Variants in B3GLCT observed in about 807,000 individuals in gnomAD.
The protein encoded by B3GLCT is beta-1,3-glucosyltransferase.
Under a neutral mutation model 63.4 loss-of-function variants are expected in B3GLCT, and 65 were observed. The ratio of observed to expected loss-of-function variants is 1.03; its 90% CI spans 0.84 to 1.26. The LOEUF (loss-of-function observed/expected upper bound fraction) is 1.26. B3GLCT is among the 50% of genes most tolerant of loss of function. The pLI, the probability that B3GLCT is intolerant of heterozygous loss-of-function variation, is 0.00. For synonymous variants in B3GLCT, 233 were observed against 219.2 expected, an observed-to-expected ratio of 1.06 and a Z score of -0.55; for missense variants, 577 against 604.8, an observed-to-expected ratio of 0.95 and a Z score of 0.48.
At chr13:31,261,581 A>G (rs1049361386) in intron 7 of B3GLCT, among the ~76,000 whole-genome samples, 1 of 152,236 alleles carries the variant, frequency 6.6e-6, no homozygotes, top group African/African-American at 2.4e-5. Flanking sequence ...ATTTGTGTGT[A>G]TATTCACAAT....
At chr13:31,299,826 C>T (rs1288431115) in intron 12 of B3GLCT, among the ~76,000 whole-genome samples, 1 of 152,156 alleles carries the variant, frequency 6.6e-6, no homozygotes, top group East Asian at 1.9e-4. Context: ...TAATGCACCC[C>T]TCAAATGTCC....
At chr13:31,201,010 TA>T (rs11463665) in intron 1 of B3GLCT, among the ~76,000 whole-genome samples, 2,161 of 143,298 alleles carry the variant, frequency 0.015, 44 homozygotes, top group African/African-American at 0.049. Context: ...TGATAAAAGT[TA>T]AAAAAAAAAA....
At chr13:31,221,960 T>C (rs1011369185) in intron 2 of B3GLCT, among the ~76,000 whole-genome samples, 3 of 152,222 alleles carry the variant, frequency 2.0e-5, no homozygotes, top group Non-Finnish European at 2.9e-5. Flanking sequence ...GATAAATCTT[T>C]TGAGAGTTCC....
At chr13:31,208,670 G>T (rs1410478752) in intron 1 of B3GLCT, among the ~76,000 whole-genome samples, 1 of 131,412 alleles carries the variant, frequency 7.6e-6, no homozygotes, top group Admixed American at 9.6e-5. Flanking sequence ...AGCGCTCTTT[G>T]CTTGACTCCA....
chr13:31,301,131 G>A (rs1249623898), intron 12 of B3GLCT, among the ~76,000 whole-genome samples: 1 of 152,164 alleles, frequency 6.6e-6, no homozygotes, highest in Non-Finnish European at 1.5e-5. Flanking sequence ...ATGTCCTTTA[G>A]TCATAGGAGT....
intron 11 of B3GLCT, among the ~76,000 whole-genome samples, chr13:31,286,255 A>T (rs2137880528): frequency 6.6e-6 from 1 of 152,334 alleles, no homozygotes; most frequent in African/African-American, 2.4e-5. Context: ...GTGGTAGTAA[A>T]TATTTACAAA....
intron 12 of B3GLCT, among the ~76,000 whole-genome samples, chr13:31,316,601 G>A (rs966713005): frequency 2.0e-5 from 3 of 150,906 alleles, no homozygotes; most frequent in East Asian, 2.0e-4. Context: ...CTCACATTTG[G>A]AACAGGAATA....
At chr13:31,215,182 T>G in intron 2 of B3GLCT, 82 bp downstream of exon 2, 1 of 1,315,950 alleles carries the variant, frequency 7.6e-7, no homozygotes, top group South Asian at 1.2e-5. Context: ...AATCATTTCA[T>G]TCTTCAATTG....
chr13:31,273,046 C>T (rs192287335), intron 8 of B3GLCT, among the ~76,000 whole-genome samples: 1 of 152,200 alleles, frequency 6.6e-6, no homozygotes, highest in East Asian at 1.9e-4. Context: ...GGTTGCCAGT[C>T]ATTTTCTGTC....
At chr13:31,201,778 T>C (rs1408461449) in intron 1 of B3GLCT, among the ~76,000 whole-genome samples, 1 of 152,200 alleles carries the variant, frequency 6.6e-6, no homozygotes, top group East Asian at 1.9e-4. Context: ...ATTTGCACTG[T>C]CCAAATTTGA....
chr13:31,212,726 G>T (rs1869334941), intron 1 of B3GLCT, among the ~76,000 whole-genome samples: 1 of 152,156 alleles, frequency 6.6e-6, no homozygotes, highest in Non-Finnish European at 1.5e-5. Context: ...ATGGATTTTT[G>T]AATCAAAGTC....
chr13:31,327,852 A>G (rs533890791), intron 14 of B3GLCT, among the ~76,000 whole-genome samples: 1 of 152,360 alleles, frequency 6.6e-6, no homozygotes, highest in African/African-American at 2.4e-5. Flanking sequence ...TTTCTTAAAA[A>G]TAGCAATTGT....
chr13:31,263,456 AG>A (rs1872142304), intron 7 of B3GLCT, among the ~76,000 whole-genome samples: 1 of 152,180 alleles, frequency 6.6e-6, no homozygotes, highest in African/African-American at 2.4e-5. Context: ...GCTGGCATTA[AG>A]TATAACCTGT....
chr13:31,202,447 G>A (rs1193186964), intron 1 of B3GLCT, among the ~76,000 whole-genome samples: 1 of 152,136 alleles, frequency 6.6e-6, no homozygotes, highest in Non-Finnish European at 1.5e-5. Context: ...CTAGCACTTT[G>A]CCACCTCTTA....
rs1047767372 is a variant in B3GLCT at position 31,309,665 on chromosome 13, G to A, written c.1065-7901G>A. 2.6e-5 allele frequency among the ~76,000 whole-genome samples: 4 copies of A among 152,118 alleles called. No homozygotes were observed. The South Asian group carries it at 8.3e-4, about 31-fold the overall frequency. On this transcript the variant is annotated intron_variant, in intron 12 of 14. Transcript: ENST00000343307. The stretch of plus-strand genomic sequence containing the variant: ...TGTAGGGCAAGGTATGGGGGAAGGA[G>A]TGTGGAGCTTCCTTGCCCCACTTGG...
intron 12 of B3GLCT, among the ~76,000 whole-genome samples, chr13:31,309,012 A>G: frequency 6.6e-6 from 1 of 152,168 alleles, no homozygotes; most frequent in Admixed American, 6.5e-5. Flanking sequence ...ATTAGTTTGC[A>G]TTTTCTTATG....
At chr13:31,309,889 T>C (rs1874616541) in intron 12 of B3GLCT, among the ~76,000 whole-genome samples, 2 of 152,196 alleles carry the variant, frequency 1.3e-5, no homozygotes, top group African/African-American at 4.8e-5. Flanking sequence ...GTGTAGTATT[T>C]CTTCCTCTAG....
chr13:31,210,339 T>G (rs1305212192), intron 1 of B3GLCT, among the ~76,000 whole-genome samples: 2 of 152,244 alleles, frequency 1.3e-5, no homozygotes, highest in Non-Finnish European at 2.9e-5. Flanking sequence ...AACTGCACAT[T>G]AAAGCACTAA....
intron 3 of B3GLCT, among the ~76,000 whole-genome samples, chr13:31,223,611 C>CAGG (rs2137760282): frequency 6.6e-6 from 1 of 152,202 alleles, no homozygotes; most frequent in South Asian, 2.1e-4. Context: ...GAAATGTGAC[C>CAGG]AGGAGTTAGA....
Sources: gnomAD v4.1 joint callset for allele counts (sites outside exome capture counted in the v4.1 genomes callset) on GRCh38, gnomAD v4.1.1 for gene constraint, MANE v1.5 for transcripts, NCBI Gene and HGNC (gene_info 2026-07-23, HGNC 2026-07-21) for gene names.